SH3D19: variants seen among roughly 807,000 people sequenced by gnomAD.
SH3D19 encodes SH3 domain-containing protein 19.
In SH3D19, 58 loss-of-function variants were observed where a neutral mutation model predicts 112.1. That is an observed-to-expected ratio of 0.52 (90% CI 0.42 to 0.64). The LOEUF (loss-of-function observed/expected upper bound fraction) is 0.64, where lower values mean the gene tolerates loss of function less well. Among genes scored for constraint, SH3D19 ranks in the 30% least tolerant of loss-of-function variants. The pLI is 0.00. For synonymous variants in SH3D19, 391 were observed against 448.5 expected (o/e 0.87, Z 1.62); for missense variants, 1,090 against 1,263.4 (o/e 0.86, Z 2.08).
chr4:151,121,782 C>T lies in SH3D19; in HGVS notation c.*309G>A, dbSNP rs1561176627. 4.6e-6 allele frequency: 1 copy of T among 219,232 alleles called. No individual in the cohort carries two copies. Among genetic ancestry groups the T allele is most frequent in the Non-Finnish European group, 8.9e-6 (1 of 112,978 alleles). 13.6% of individuals were successfully genotyped at this position (219,232 alleles called of 1,614,324 possible). A position where few individuals can be genotyped will look rare whatever the true frequency, so the allele number is the denominator to read the frequency against. ...TTGTGCTGATTAAAACAGATGTCCA[C>T]GTGCAACTTCTGTGTGTGAGCCTCC... On this transcript the variant is annotated 3_prime_UTR_variant, in exon 20 of 20. Coordinates refer to ENST00000604030, the MANE Select transcript of SH3D19 (RefSeq NM_001378122.1).
rs575283777 is a variant in SH3D19, at chr4:151,127,990, A to T, written c.2929+180T>A. On this transcript the variant is annotated intron_variant, in intron 18 of 19. Transcript: ENST00000604030. ...TTAGCCATTATTTAGTGAAGACATT[A>T]TCTTTTTTTTCTATAACTCTAACAA... is the stretch of plus-strand genomic sequence containing the variant. Among the ~76,000 whole-genome samples, 4 of 152,364 alleles carry T rather than the reference A, an allele frequency of 2.6e-5. No individual in the cohort carries two copies. The East Asian group carries it at 7.7e-4, about 29-fold the overall frequency.
chr4:151,239,882 TAAA>T (rs1205189507), intron 1 of SH3D19, among the ~76,000 whole-genome samples: 4 of 152,148 alleles, frequency 2.6e-5, no homozygotes, highest in African/African-American at 9.7e-5. Flanking sequence ...TGAAAAGTTA[TAAA>T]TATGAAATAA....
chr4:151,298,641 A>G (rs1052368840), intron 1 of SH3D19, among the ~76,000 whole-genome samples: 2 of 114,412 alleles, frequency 1.7e-5, no homozygotes, highest in Non-Finnish European at 4.1e-5. Flanking sequence ...AGAGAAATAA[A>G]AGCACAATCT....
At chr4:151,180,623 G>A (rs1484080247) in intron 3 of SH3D19, among the ~76,000 whole-genome samples, 1 of 151,016 alleles carries the variant, frequency 6.6e-6, no homozygotes, top group Non-Finnish European at 1.5e-5. Context: ...AGCCAGGATG[G>A]TCTCGATCTC....
At chr4:151,249,660 T>C (rs972500419) in intron 1 of SH3D19, among the ~76,000 whole-genome samples, 1 of 151,874 alleles carries the variant, frequency 6.6e-6, no homozygotes, top group African/African-American at 2.4e-5. Flanking sequence ...GTAAACTTCG[T>C]GTAAAAAAAA....
At chr4:151,135,468 C>A (rs922417901) in intron 14 of SH3D19, among the ~76,000 whole-genome samples, 23 of 128,430 alleles carry the variant, frequency 1.8e-4, no homozygotes, top group African/African-American at 6.3e-4. Flanking sequence ...TACTCTGTCA[C>A]CCAGGCTGGA....
At chr4:151,250,126 T>G (rs1031746687) in intron 1 of SH3D19, among the ~76,000 whole-genome samples, 3 of 152,194 alleles carry the variant, frequency 2.0e-5, no homozygotes, top group African/African-American at 4.8e-5. Flanking sequence ...AGATTGTCTT[T>G]TCTTTAATAC....
In SH3D19 at chr4:151,221,497, C is replaced by G. The variant is rs143632906; in HGVS notation, c.152+4550G>C. Among the ~76,000 whole-genome samples, 321 of 152,272 alleles carry G rather than the reference C, an allele frequency of 2.1e-3. 2 individuals are homozygous for G. The highest frequency in any genetic ancestry group is 6.5e-3 in the African/African-American group (270 of 41,552). On this transcript the variant is annotated intron_variant, in intron 2 of 19. Coordinates refer to ENST00000604030, the MANE Select transcript of SH3D19 (RefSeq NM_001378122.1). ...AAAACGATGTCCTTTCCTGAAAAAA[C>G]ATTTCTCCTTTCTTATAGGGCATCA...
At chr4:151,197,074 G>T (rs1441662467) in intron 2 of SH3D19, among the ~76,000 whole-genome samples, 2 of 152,160 alleles carry the variant, frequency 1.3e-5, no homozygotes, top group African/African-American at 4.8e-5. Flanking sequence ...AGCCACTATG[G>T]AAAACAGTGT....
chr4:151,207,103 G>A (rs930116068), intron 2 of SH3D19, among the ~76,000 whole-genome samples: 8 of 152,170 alleles, frequency 5.3e-5, no homozygotes, highest in African/African-American at 1.9e-4. Flanking sequence ...GTAGGACCAC[G>A]TGGAAACCTG....
intron 1 of SH3D19, among the ~76,000 whole-genome samples, chr4:151,229,542 C>A (rs1184940980): frequency 6.6e-6 from 1 of 152,166 alleles, no homozygotes; most frequent in Non-Finnish European, 1.5e-5. Flanking sequence ...CATTCCCTGT[C>A]CCTCTCATCC....
intron 2 of SH3D19, among the ~76,000 whole-genome samples, chr4:151,191,952 T>TTTTCTC (rs1762726215): frequency 7.7e-6 from 1 of 129,696 alleles, no homozygotes; most frequent in African/African-American, 3.0e-5. Context: ...GCCCTTTTTT[T>TTTTCTC]TTTTTTTTTT....
chr4:151,175,134 T>C lies in SH3D19; in HGVS notation c.1070A>G (p.Lys357Arg). Reference sequence around the variant, plus strand: ...GGTGAGTCCTTCCTTGGAGGTCACCTTGAGTCTGTTCTCAGTCCCAGAGTC... The same window carrying C: ...GGTGAGTCCTTCCTTGGAGGTCACCCTGAGTCTGTTCTCAGTCCCAGAGTC... The part of the protein sequence containing the change: ...EWDSGTENRL[K>R]VTSKEGLTPY... The change falls in exon 7 of 20, where the codon AAG becomes AGG. Residue 357 changes from lysine (K) to arginine (R), a missense_variant. Lys to Arg is a conservative substitution (Grantham distance 26, BLOSUM62 2). Transcript: ENST00000604030. 1 of 1,614,142 alleles carries C rather than the reference T, an allele frequency of 6.2e-7. No homozygotes were observed. The highest frequency in any genetic ancestry group is 8.5e-7 in the Non-Finnish European group (1 of 1,180,014).
chr4:151,155,424 A>C (rs1755913760), intron 9 of SH3D19, among the ~76,000 whole-genome samples: 1 of 152,220 alleles, frequency 6.6e-6, no homozygotes, highest in African/African-American at 2.4e-5. Flanking sequence ...TCCTTCAAAG[A>C]AATTTTTCTT....
intron 12 of SH3D19, among the ~76,000 whole-genome samples, chr4:151,143,630 GT>G (rs147388425): frequency 1.4e-3 from 205 of 148,170 alleles, no homozygotes; most frequent in Admixed American, 5.8e-3. Context: ...TTTTTTATTT[GT>G]TTTTTTTTTC....
At chr4:151,162,122 T>C (rs1757266595) in intron 8 of SH3D19, among the ~76,000 whole-genome samples, 1 of 151,790 alleles carries the variant, frequency 6.6e-6, no homozygotes, top group Non-Finnish European at 1.5e-5. Context: ...ATGCATTAGG[T>C]ATTTGTCCTA....
At chr4:151,232,450 C>G (rs1443963141) in intron 1 of SH3D19, among the ~76,000 whole-genome samples, 1 of 152,158 alleles carries the variant, frequency 6.6e-6, no homozygotes, top group African/African-American at 2.4e-5. Flanking sequence ...AGCACCCTGT[C>G]TGTACACTTA....
intron 1 of SH3D19, among the ~76,000 whole-genome samples, chr4:151,242,459 C>T (rs1770641724): frequency 6.6e-6 from 1 of 152,154 alleles, no homozygotes; most frequent in Admixed American, 6.5e-5. Context: ...CGCAGAGTCA[C>T]AAAACCAGCA....
intron 9 of SH3D19, among the ~76,000 whole-genome samples, 165 bp downstream of exon 9, chr4:151,159,075 T>G (rs1756679730): frequency 6.6e-6 from 1 of 152,218 alleles, no homozygotes; most frequent in Non-Finnish European, 1.5e-5. Context: ...TTTAACATAT[T>G]GAACACTATA....
Sources: gnomAD v4.1 joint callset for allele counts (sites outside exome capture counted in the v4.1 genomes callset) on GRCh38, gnomAD v4.1.1 for gene constraint, MANE v1.5 for transcripts, NCBI Gene and HGNC (gene_info 2026-07-23, HGNC 2026-07-21) for gene names.